Variants in MCM8 observed in about 807,000 individuals in gnomAD.
The protein encoded by MCM8 is DNA helicase MCM8.
In MCM8, 85 loss-of-function variants were observed where a neutral mutation model predicts 98.9. The ratio of observed to expected loss-of-function variants is 0.86; its 90% confidence interval spans 0.72 to 1.03. The LOEUF (loss-of-function observed/expected upper bound fraction) is 1.03. Among genes scored for constraint, MCM8 ranks in the 50% least tolerant of loss-of-function variants. MCM8 has a pLI of 0.00. For missense variants in MCM8, 951 were observed against 997.8 expected (o/e 0.95, Z 0.63); for synonymous variants, 352 against 338.6 (o/e 1.04, Z -0.44).
chr20:5,998,279 A>G lies in MCM8; in HGVS notation c.*3888A>G, dbSNP rs1568607505. The stretch of plus-strand genomic sequence containing the variant: ...AATGCAGGGGCTGGAAGGTGAGAAA[A>G]TAACCACATTTCCCAGACTCCCTTT... On this transcript the variant is annotated 3_prime_UTR_variant, in exon 19 of 19. Coordinates refer to ENST00000610722, the MANE Select transcript of MCM8 (RefSeq NM_032485.6). 6.6e-6 allele frequency: 1 copy of G among 152,244 alleles called. No homozygotes were observed. Among genetic ancestry groups the G allele is most frequent in the East Asian group, 1.9e-4 (1 of 5,158 alleles). 9.4% of individuals were successfully genotyped at this position (152,244 alleles called of 1,614,324 possible).
At chr20:5,957,916 AT>A (rs1270011497) in intron 6 of MCM8, among the ~76,000 whole-genome samples, 1 of 152,188 alleles carries the variant, frequency 6.6e-6, no homozygotes, top group Non-Finnish European at 1.5e-5. Flanking sequence ...ATAGAAGAAA[AT>A]TTCCTAGCAG....
intron 3 of MCM8, among the ~76,000 whole-genome samples, chr20:5,953,778 C>CTT (rs11479606): frequency 2.2e-4 from 32 of 148,056 alleles, no homozygotes; most frequent in Admixed American, 4.0e-4. Context: ...CAGCCGCATA[C>CTT]TTTTTTTTTT....
chr20:5,976,418 C>T (rs966101537), intron 12 of MCM8, among the ~76,000 whole-genome samples: 1 of 152,120 alleles, frequency 6.6e-6, no homozygotes, highest in Non-Finnish European at 1.5e-5. Context: ...AGACAGCTCA[C>T]GCCCAAAATT....
At chr20:5,984,399 A>C (rs1268818246) in intron 14 of MCM8, among the ~76,000 whole-genome samples, 1 of 152,188 alleles carries the variant, frequency 6.6e-6, no homozygotes, top group East Asian at 1.9e-4. Context: ...AATCAGAAAG[A>C]TCTATTGAAC....
At chr20:5,973,222 G>T in intron 12 of MCM8, 26 bp downstream of exon 12, 1 of 1,608,126 alleles carries the variant, frequency 6.2e-7, no homozygotes, top group Non-Finnish European at 8.5e-7. Flanking sequence ...TTTAGTGTTT[G>T]TTCTTTTGCT....
At chr20:5,982,902 A>G in intron 13 of MCM8, 68 bp from the exon 14 acceptor site, 4 of 1,288,332 alleles carry the variant, frequency 3.1e-6, no homozygotes, top group South Asian at 1.4e-5. Context: ...AACAATTTCT[A>G]TCCTATAAAA....
chr20:5,972,073 A>G (rs1462625912), intron 11 of MCM8, 36 bp downstream of exon 11: 40 of 1,543,452 alleles, frequency 2.6e-5, no homozygotes, highest in Non-Finnish European at 3.4e-5. Context: ...CAAAAAGTAT[A>G]TAAGGTTAGC....
At position 5,950,885 on chromosome 20, in the gene MCM8, A is replaced by C. The variant is rs2088802688; in HGVS notation, c.-144A>C. ...CTTGGCAGGAGTCGCCTGAGGAGCT[A>C]AGATCCCGGAGACTCTTAGCCCCGT... On this transcript the variant is annotated 5_prime_UTR_variant, in exon 1 of 19. Transcript: ENST00000610722. 1 of 152,406 alleles carries C rather than the reference A, an allele frequency of 6.6e-6. No individual in the cohort carries two copies. Among genetic ancestry groups the C allele is most frequent in the South Asian group, 2.0e-4 (1 of 5,024 alleles). The allele number at this position is 152,406 out of a possible 1,614,324, so 9.4% of individuals were successfully genotyped here.
intron 15 of MCM8, among the ~76,000 whole-genome samples, chr20:5,985,241 C>T (rs539907282): frequency 3.6e-4 from 54 of 152,062 alleles, no homozygotes; most frequent in African/African-American, 1.3e-3. Flanking sequence ...GTCAAGAGAT[C>T]GAGACCATCC....
intron 10 of MCM8, among the ~76,000 whole-genome samples, chr20:5,970,416 C>T (rs1308521342): frequency 6.6e-6 from 1 of 152,226 alleles, no homozygotes; most frequent in African/African-American, 2.4e-5. Flanking sequence ...AGGTGACCCA[C>T]TAGCATCTGG....
At position 5,963,334 on chromosome 20, in the gene MCM8, G is replaced by A. The variant is rs748752751; in HGVS notation, c.850G>A (p.Val284Ile). Residue 284 changes from valine to isoleucine, a missense_variant, in exon 8 of 19, where the codon GTT becomes ATT. Val to Ile is a conservative substitution (Grantham distance 29). Transcript: ENST00000610722. ...FTALRSSPLT[V>I]TMDWQSIKIQ... ...TGCTCTCCGCAGCTCTCCTCTCACAGTTACGATGGACTGGCAGTCAATCAA... is the reference window on the plus strand; with the variant it reads ...TGCTCTCCGCAGCTCTCCTCTCACAATTACGATGGACTGGCAGTCAATCAA... 6.2e-7 allele frequency: 1 copy of A among 1,613,976 alleles called. No individual in the cohort carries two copies. The highest frequency in any genetic ancestry group is 1.1e-5 in the South Asian group (1 of 91,078).
chr20:5,971,940 A>G, intron 10 of MCM8, 67 bp from the exon 11 acceptor site: 2 of 1,376,788 alleles, frequency 1.5e-6, no homozygotes, highest in Middle Eastern at 1.8e-4. Flanking sequence ...AACAAATTGT[A>G]GAGGAGATCT....
chr20:5,984,653 T>TTC (rs1217269792), intron 14 of MCM8, 128 bp from the exon 15 acceptor site: 3 of 679,602 alleles, frequency 4.4e-6, no homozygotes, highest in Non-Finnish European at 7.4e-6. Context: ...ATTTGCTTAT[T>TTC]TCTTTAACCT....
At chr20:5,952,696 TATATC>T (rs1162150002) in intron 3 of MCM8, among the ~76,000 whole-genome samples, 168 bp downstream of exon 3, 9 of 152,224 alleles carry the variant, frequency 5.9e-5, no homozygotes, top group African/African-American at 2.2e-4. Flanking sequence ...TTTTAGACTT[TATATC>T]AGTCAGGAAA....
At chr20:5,977,556 C>T (rs1379553449) in intron 12 of MCM8, among the ~76,000 whole-genome samples, 5 of 152,190 alleles carry the variant, frequency 3.3e-5, no homozygotes, top group Non-Finnish European at 7.3e-5. Context: ...GCTTTTCGAA[C>T]TTGAAAATGA....
chr20:5,952,553 G>A (rs765779527), intron 3 of MCM8, 25 bp downstream of exon 3: 2 of 1,576,450 alleles, frequency 1.3e-6, no homozygotes, highest in South Asian at 1.1e-5. Flanking sequence ...GTACAAAAAA[G>A]CACCATAAAT....
In MCM8 at chr20:5,963,089, G is replaced by A. The variant is rs148315990; in HGVS notation, c.790-185G>A. On this transcript the variant is annotated intron_variant, in intron 7 of 18. Transcript: ENST00000610722. The stretch of plus-strand genomic sequence containing the variant: ...GGATCAATTGGAAAGTGCCTCAAAA[G>A]CTGTCGATATTAAATTGTTGCAGGA... Among the ~76,000 whole-genome samples the A allele has an allele frequency of 3.6e-3, 550 of 152,294 alleles. 1 individual carries two copies. The highest frequency in any genetic ancestry group is 5.7e-3 in the Non-Finnish European group (386 of 68,020).
At chr20:5,959,215 CATTT>C (rs1171417785) in intron 7 of MCM8, among the ~76,000 whole-genome samples, 5 of 152,050 alleles carry the variant, frequency 3.3e-5, no homozygotes, top group African/African-American at 9.7e-5. Context: ...ATGTAATTAA[CATTT>C]ATCTACTCTA....
rs2089754969 is a variant in MCM8, at chr20:5,987,350, G to GAAT, written c.2234_2235insTAA (p.Met744_Lys745insAsn). 2.5e-6 allele frequency: 4 copies of GAAT among 1,610,732 alleles called. No individual in the cohort carries two copies. Among genetic ancestry groups the GAAT allele is most frequent in the Admixed American group, 1.7e-5 (1 of 59,434 alleles). ...ACGCTGAGGATATAGTGGAAATTAT[G>GAAT]AAATATAGGTAAGATAAAAATTTCA... On this transcript the variant is annotated inframe_insertion, in exon 17 of 19. Transcript: ENST00000610722.
Sources: allele counts gnomAD v4.1 joint callset (sites outside exome capture counted in the v4.1 genomes callset), GRCh38; gene constraint gnomAD v4.1.1; transcripts MANE v1.5; gene names NCBI Gene and HGNC (gene_info 2026-07-23, HGNC 2026-07-21).